NGF: variants seen among roughly 807,000 people sequenced by gnomAD.
NGF encodes the protein beta-nerve growth factor.
In NGF, 4 loss-of-function variants were observed where a neutral mutation model predicts 12.8. That is an observed-to-expected ratio of 0.31 (90% CI 0.15 to 0.72). NGF has a LOEUF of 0.72. Ranked by LOEUF, NGF falls within the 30% of genes least tolerant of loss-of-function variation. NGF has a pLI of 0.69. For missense variants in NGF, 283 were observed against 330.8 expected (o/e 0.86, Z 1.12); for synonymous variants, 140 against 130.0 (o/e 1.08, Z -0.52).
intron 1 of NGF, among the ~76,000 whole-genome samples, chr1:115,333,541 G>A (rs1253910804): frequency 6.8e-6 from 1 of 146,680 alleles, no homozygotes; most frequent in East Asian, 2.1e-4. Flanking sequence ...GCACGTGAAT[G>A]CGTTGGCTAC....
chr1:115,330,411 A>C (rs1654885213), intron 1 of NGF, among the ~76,000 whole-genome samples: 1 of 152,220 alleles, frequency 6.6e-6, no homozygotes, highest in Non-Finnish European at 1.5e-5. Context: ...CTGTTCTGAA[A>C]GGCTACACAC....
In NGF at chr1:115,286,134, C is replaced by G; in HGVS notation, c.662G>C (p.Arg221Pro). ...LTMDGKQAAW[R>P]FIRIDTACVC... Reference sequence around the variant, plus strand: ...ACAGGCCGTATCTATCCGGATAAACCGCCAGGCAGCCTGCTTGCCATCCAT... The same window carrying G: ...ACAGGCCGTATCTATCCGGATAAACGGCCAGGCAGCCTGCTTGCCATCCAT... The change falls in exon 3 of 3, where the codon CGG (arginine) becomes CCG (proline). Residue 221 changes from arginine (R) to proline (P), a missense_variant. Arg to Pro is a moderately radical substitution (Grantham distance 103). Around this residue, in one of 2 missense-constraint regions of NGF, gnomAD observed 132 missense variants for 189.2 expected, o/e 0.70. Transcript: ENST00000369512. 6.2e-7 allele frequency: 1 copy of G among 1,613,526 alleles called. No individual in the cohort carries two copies. Among genetic ancestry groups the G allele is most frequent in the East Asian group, 2.2e-5 (1 of 44,848 alleles).
In NGF at chr1:115,309,809, CT is replaced by C. The variant is rs1326588528; in HGVS notation, c.-136-16060del. Among the ~76,000 whole-genome samples the C allele has an allele frequency of 2.0e-5, 3 of 150,348 alleles. No individual in the cohort carries two copies. The Admixed American group carries it at 2.0e-4, about 10-fold the overall frequency. On this transcript the variant is annotated intron_variant, in intron 1 of 2. Coordinates refer to ENST00000369512, the MANE Select transcript of NGF (RefSeq NM_002506.3). ...ATCATTCTCAGCAAACTATGGATAGCTTTTGTAAACAGAATCATGTATTTTA... is the reference window on the plus strand; with the variant it reads ...ATCATTCTCAGCAAACTATGGATAGCTTTGTAAACAGAATCATGTATTTTA...
intron 2 of NGF, among the ~76,000 whole-genome samples, chr1:115,293,323 T>C (rs1176962539): frequency 6.6e-6 from 1 of 152,154 alleles, no homozygotes; most frequent in Non-Finnish European, 1.5e-5. Flanking sequence ...CAGAGAGTTG[T>C]GTGGAGGGTC....
chr1:115,310,201 T>C (rs1210363530), intron 1 of NGF, among the ~76,000 whole-genome samples: 1 of 152,190 alleles, frequency 6.6e-6, no homozygotes, highest in Non-Finnish European at 1.5e-5. Flanking sequence ...AAATCACATG[T>C]ATGTGGGAAC....
At chr1:115,310,190 G>A (rs1654302393) in intron 1 of NGF, among the ~76,000 whole-genome samples, 1 of 152,214 alleles carries the variant, frequency 6.6e-6, no homozygotes, top group African/African-American at 2.4e-5. Flanking sequence ...GCAGCCAAGG[G>A]AAATCACATG....
chr1:115,309,174 G>T (rs1222064143), intron 1 of NGF, among the ~76,000 whole-genome samples: 1 of 152,146 alleles, frequency 6.6e-6, no homozygotes, highest in Non-Finnish European at 1.5e-5. Context: ...TGTTATGCTG[G>T]TTAGAATTAC....
intron 1 of NGF, among the ~76,000 whole-genome samples, chr1:115,321,532 G>A (rs893284785): frequency 7.3e-5 from 11 of 150,036 alleles, no homozygotes; most frequent in African/African-American, 2.5e-4. Flanking sequence ...AATGTTTGCC[G>A]TTGCCTCAGA....
intron 1 of NGF, among the ~76,000 whole-genome samples, chr1:115,337,565 C>A (rs1252516963): frequency 1.3e-5 from 2 of 151,954 alleles, no homozygotes; most frequent in Non-Finnish European, 2.9e-5. Flanking sequence ...CGTGGAGGGC[C>A]CCGGTACGCC....
At chr1:115,333,655 C>CTCTTTCTTTCTTTCTT (rs368041850) in intron 1 of NGF, among the ~76,000 whole-genome samples, 5 of 135,222 alleles carry the variant, frequency 3.7e-5, no homozygotes, top group Non-Finnish European at 6.4e-5. Context: ...TTCTTTCTTT[C>CTCTTTCTTTCTTTCTT]TCTTTCTTTC....
At chr1:115,321,223 A>C (rs1314166300) in intron 1 of NGF, among the ~76,000 whole-genome samples, 2 of 152,162 alleles carry the variant, frequency 1.3e-5, no homozygotes, top group East Asian at 3.9e-4. Context: ...GAGGGAGAGA[A>C]CTATGTATGG....
chr1:115,292,343 T>C (rs1333113223), intron 2 of NGF, among the ~76,000 whole-genome samples: 1 of 152,112 alleles, frequency 6.6e-6, no homozygotes, highest in East Asian at 1.9e-4. Context: ...GCTCTCAAAC[T>C]TCAGGGCATC....
chr1:115,326,003 G>C (rs893579805), intron 1 of NGF, among the ~76,000 whole-genome samples: 5 of 152,084 alleles, frequency 3.3e-5, no homozygotes, highest in African/African-American at 1.2e-4. Context: ...TAGAATATAA[G>C]AGTCTGGGGC....
At chr1:115,315,765 T>C (rs868215097) in intron 1 of NGF, among the ~76,000 whole-genome samples, 18 of 152,290 alleles carry the variant, frequency 1.2e-4, no homozygotes, top group Middle Eastern at 3.4e-3. Context: ...TTGTCTGGCA[T>C]AGGGAGTACG....
In NGF at chr1:115,286,461, G is replaced by A. The variant is rs147763877; in HGVS notation, c.335C>T (p.Pro112Leu). The A allele has an allele frequency of 3.1e-6, 5 of 1,613,744 alleles. No individual in the cohort carries two copies. The highest frequency in any genetic ancestry group is 4.2e-6 in the Non-Finnish European group (5 of 1,179,822). Reference sequence around the variant, plus strand: ...CTTGCTCCTGTGAGTCCTGTTGAAGGGGGCAGCACCACCGACCTCGAAGTC... The same window carrying A: ...CTTGCTCCTGTGAGTCCTGTTGAAGAGGGCAGCACCACCGACCTCGAAGTC... Reference protein sequence around the residue: ...DLDFEVGGAAPFNRTHRSKRS... With the variant: ...DLDFEVGGAALFNRTHRSKRS... Residue 112 changes from proline (P) to leucine (L), a missense_variant, in exon 3 of 3, where the codon CCC (proline) becomes CTC (leucine). Physicochemically the swap from Pro to Leu is moderately conservative, Grantham distance 98. Transcript: ENST00000369512.
chr1:115,286,832 G>T, intron 2 of NGF, 25 bp from the exon 3 acceptor site: 1 of 1,613,544 alleles, frequency 6.2e-7, no homozygotes, highest in South Asian at 1.1e-5. Flanking sequence ...AAATGAGGGT[G>T]ACTTCATGGA....
intron 1 of NGF, among the ~76,000 whole-genome samples, chr1:115,334,721 T>G (rs1423997658): frequency 1.3e-5 from 2 of 152,200 alleles, no homozygotes; most frequent in Non-Finnish European, 2.9e-5. Context: ...TGAGGGGCAT[T>G]TGAGGTTGTC....
chr1:115,324,947 A>G (rs1654734165), intron 1 of NGF, among the ~76,000 whole-genome samples: 1 of 152,228 alleles, frequency 6.6e-6, no homozygotes, highest in African/African-American at 2.4e-5. Flanking sequence ...TCCTGCCCTC[A>G]TTCATATGTT....
chr1:115,327,748 A>G (rs935333793), intron 1 of NGF, among the ~76,000 whole-genome samples: 10 of 152,190 alleles, frequency 6.6e-5, no homozygotes, highest in Non-Finnish European at 1.2e-4. Flanking sequence ...GAATTTAAAC[A>G]TCTCTCTGCT....
Sources: gnomAD v4.1 joint callset for allele counts (sites outside exome capture counted in the v4.1 genomes callset) on GRCh38, gnomAD v4.1.1 for gene constraint, gnomAD v4.1.1 regional missense constraint, MANE v1.5 for transcripts, NCBI Gene and HGNC (gene_info 2026-07-23, HGNC 2026-07-21) for gene names.